PRIM2: variants seen among roughly 807,000 people sequenced by gnomAD.
PRIM2 encodes DNA primase large subunit.
A neutral mutation model predicts 67.3 loss-of-function variants in PRIM2; 39 were observed. That is an observed-to-expected ratio of 0.58 (90% CI 0.45 to 0.76). PRIM2 has a LOEUF of 0.76. Ranked by LOEUF, PRIM2 falls within the 30% of genes least tolerant of loss-of-function variation. The probability of loss-of-function intolerance (pLI) is 0.00; values close to 1 mark genes in which losing one functional copy is unlikely to be tolerated. For missense variants in PRIM2, 398 were observed against 598.7 expected (o/e 0.66, Z 3.50); for synonymous variants, 143 against 198.7 (o/e 0.72, Z 2.36).
chr6:57,368,947 C>T (rs1458068437), intron 5 of PRIM2, among the ~76,000 whole-genome samples: 2 of 152,116 alleles, frequency 1.3e-5, no homozygotes, highest in African/African-American at 2.4e-5. Flanking sequence ...CTCTGTATAC[C>T]GGAACTTCAC....
intron 10 of PRIM2, among the ~76,000 whole-genome samples, chr6:57,542,958 T>TTTTTTTC (rs1775199901): frequency 1.5e-5 from 2 of 132,340 alleles, no homozygotes; most frequent in East Asian, 4.2e-4. Context: ...TTTTTTTTTT[T>TTTTTTTC]GAGACGGAGT....
At chr6:57,509,920 A>G (rs1183947354) in intron 8 of PRIM2, among the ~76,000 whole-genome samples, 8 of 151,162 alleles carry the variant, frequency 5.3e-5, no homozygotes, top group Non-Finnish European at 8.9e-5. Context: ...ATGTATATAC[A>G]TACGCAAATC....
the PRIM2 span, among the ~76,000 whole-genome samples, chr6:57,227,825 T>A: frequency 1.3e-5 from 2 of 152,140 alleles, no homozygotes. Context: ...GAATTCAAAC[T>A]CATCCACTTG....
the PRIM2 span, among the ~76,000 whole-genome samples, chr6:57,231,240 A>T: frequency 6.6e-5 from 10 of 152,206 alleles, no homozygotes; most frequent in Non-Finnish European, 8.8e-5. Flanking sequence ...GACCATACTT[A>T]AAAAAGTTTT....
chr6:57,562,868 T>G (rs1775664817), intron 10 of PRIM2, among the ~76,000 whole-genome samples: 1 of 152,224 alleles, frequency 6.6e-6, no homozygotes, highest in African/African-American at 2.4e-5. Flanking sequence ...CAGTTTGTAC[T>G]GCCACAATAT....
chr6:57,479,216 C>T (rs1773553431), intron 7 of PRIM2, among the ~76,000 whole-genome samples: 2 of 152,186 alleles, frequency 1.3e-5, no homozygotes, highest in African/African-American at 2.4e-5. Flanking sequence ...AAAGAAACCC[C>T]ATAAATTAAG....
At chr6:57,418,636 G>C (rs1190203979) in intron 7 of PRIM2, among the ~76,000 whole-genome samples, 7 of 151,600 alleles carry the variant, frequency 4.6e-5, no homozygotes, top group African/African-American at 1.7e-4. Flanking sequence ...TCTTGACCTC[G>C]TGATCCACCC....
At chr6:57,620,766 C>T (rs1776838515) in intron 12 of PRIM2, among the ~76,000 whole-genome samples, 1 of 152,244 alleles carries the variant, frequency 6.6e-6, no homozygotes, top group Non-Finnish European at 1.5e-5. Context: ...CTAAATGCTC[C>T]ACTTAAAAGG....
chr6:57,533,620 A>G (rs1463655008), intron 9 of PRIM2, among the ~76,000 whole-genome samples: 3 of 152,176 alleles, frequency 2.0e-5, no homozygotes, highest in Non-Finnish European at 4.4e-5. Flanking sequence ...CCACTTTCTC[A>G]CTTCCACTCA....
At chr6:57,375,492 C>T (rs1385030053) in intron 5 of PRIM2, among the ~76,000 whole-genome samples, 3 of 152,092 alleles carry the variant, frequency 2.0e-5, no homozygotes, top group Non-Finnish European at 4.4e-5. Flanking sequence ...AGGATTTTTG[C>T]ATCAGTGTTC....
chr6:57,562,941 C>G (rs1294810048), intron 10 of PRIM2, among the ~76,000 whole-genome samples: 1 of 152,158 alleles, frequency 6.6e-6, no homozygotes, highest in Non-Finnish European at 1.5e-5. Flanking sequence ...CCTCTTCCAG[C>G]TTCTGTCTCA....
chr6:57,525,191 C>T (rs1470280777), intron 8 of PRIM2, among the ~76,000 whole-genome samples: 1 of 152,086 alleles, frequency 6.6e-6, no homozygotes, highest in Non-Finnish European at 1.5e-5. Flanking sequence ...GATAACCCTT[C>T]AGATCCTAAG....
At chr6:57,485,908 C>G (rs1262492228) in intron 7 of PRIM2, among the ~76,000 whole-genome samples, 1 of 152,170 alleles carries the variant, frequency 6.6e-6, no homozygotes, top group African/African-American at 2.4e-5. Context: ...GACAAGCAAA[C>G]AGATTTGTGC....
In PRIM2 at chr6:57,645,191, T is replaced by A. The variant is rs1777312692; in HGVS notation, c.1300-737T>A. Among the ~76,000 whole-genome samples the A allele has an allele frequency of 2.6e-5, 4 of 152,056 alleles. No homozygotes were observed. The South Asian group carries it at 8.3e-4, about 32-fold the overall frequency. On this transcript the variant is annotated intron_variant, in intron 13 of 13. Coordinates refer to ENST00000615550, the MANE Select transcript of PRIM2 (RefSeq NM_000947.5). ...CCAGTATCAAAATGATCAAAAATGA[T>A]TTTACGATCACTTAAAAACCCACAA...
chr6:57,570,291 A>G (rs1483204194), intron 10 of PRIM2, among the ~76,000 whole-genome samples: 2 of 152,232 alleles, frequency 1.3e-5, no homozygotes, highest in African/African-American at 2.4e-5. Flanking sequence ...AATGAAAGCC[A>G]AATGCCTTTG....
intron 7 of PRIM2, among the ~76,000 whole-genome samples, chr6:57,405,977 A>G (rs1770876289): frequency 6.6e-6 from 1 of 152,266 alleles, no homozygotes. Flanking sequence ...AGGGAGACAT[A>G]TAAACAGTCA....
chr6:57,442,005 A>G (rs1283051392), intron 7 of PRIM2, among the ~76,000 whole-genome samples: 3 of 152,216 alleles, frequency 2.0e-5, no homozygotes, highest in Non-Finnish European at 4.4e-5. Context: ...AAAATAGGAC[A>G]TAATGTTTTC....
At chr6:57,424,576 C>CT (rs1305883444) in intron 7 of PRIM2, among the ~76,000 whole-genome samples, 1 of 152,126 alleles carries the variant, frequency 6.6e-6, no homozygotes, top group Non-Finnish European at 1.5e-5. Flanking sequence ...CATAAAAAGA[C>CT]TTTATCAAAT....
the PRIM2 span, among the ~76,000 whole-genome samples, chr6:57,240,521 G>A: frequency 6.6e-6 from 1 of 152,102 alleles, no homozygotes. Context: ...TAAAATGAAA[G>A]AGTACACAAA....
Sources: gnomAD v4.1 joint callset for allele counts (sites outside exome capture counted in the v4.1 genomes callset) on GRCh38, gnomAD v4.1.1 for gene constraint, MANE v1.5 for transcripts, NCBI Gene and HGNC (gene_info 2026-07-23, HGNC 2026-07-21) for gene names.